RBFOX1: variants seen among roughly 807,000 people sequenced by gnomAD.
RBFOX1 encodes the protein RNA binding fox-1 homolog 1.
A neutral mutation model predicts 57.7 loss-of-function variants in RBFOX1; 8 were observed. The observed-to-expected ratio is 0.14, with a 90% confidence interval of 0.08 to 0.25. The LOEUF (loss-of-function observed/expected upper bound fraction) is 0.25, where lower values mean the gene tolerates loss of function less well. Among genes scored for constraint, RBFOX1 ranks in the 10% least tolerant of loss-of-function variants. The pLI, the probability that RBFOX1 is intolerant of heterozygous loss-of-function variation, is 1.00. For synonymous variants in RBFOX1, 326 were observed against 222.4 expected, an observed-to-expected ratio of 1.47 and a Z score of -4.15; for missense variants, 611 against 548.5, an observed-to-expected ratio of 1.11 and a Z score of -1.14.
intron 3 of RBFOX1, among the ~76,000 whole-genome samples, chr16:6,837,975 C>A (rs964217941): frequency 6.6e-6 from 1 of 151,298 alleles, no homozygotes; most frequent in Non-Finnish European, 1.5e-5. Context: ...AGTTACCACC[C>A]CTTTCCATGG....
chr16:5,977,337 C>T (rs577562541), intron 4 of RBFOX1, among the ~76,000 whole-genome samples: 8 of 152,222 alleles, frequency 5.3e-5, no homozygotes, highest in South Asian at 2.1e-4. Context: ...CAGGCCAGCC[C>T]GTCATGCAGA....
At chr16:6,890,520 A>G (rs1483538285) in intron 3 of RBFOX1, among the ~76,000 whole-genome samples, 2 of 47,730 alleles carry the variant, frequency 4.2e-5, no homozygotes, top group Non-Finnish European at 9.2e-5. Context: ...CTCCATCTCA[A>G]AACAAACAAA....
chr16:7,288,792 G>A lies in RBFOX1; in HGVS notation c.28-229355G>A, dbSNP rs1393488569. Reference sequence around the variant, plus strand: ...GGGGATGGAGGTTACAGTGAGCTGAGAGGGCACCACTGCACTCCAGCCTGC... The same window carrying A: ...GGGGATGGAGGTTACAGTGAGCTGAAAGGGCACCACTGCACTCCAGCCTGC... On this transcript the variant is annotated intron_variant, in intron 4 of 15. Transcript: ENST00000550418. 2.0e-5 allele frequency among the ~76,000 whole-genome samples: 3 copies of A among 152,224 alleles called. No homozygotes were observed. In the East Asian group the frequency reaches 5.8e-4, roughly 29 times the overall value.
chr16:5,771,238 G>T (rs887945649), intron 3 of RBFOX1, among the ~76,000 whole-genome samples: 1 of 152,216 alleles, frequency 6.6e-6, no homozygotes, highest in Non-Finnish European at 1.5e-5. Context: ...TGCGACCTAG[G>T]TTGTTGGTCT....
chr16:6,780,474 AT>A lies in RBFOX1; in HGVS notation c.-16+125829del, dbSNP rs1274689654. 5.7e-3 allele frequency among the ~76,000 whole-genome samples: 610 copies of A among 106,464 alleles called. 17 individuals carry two copies. Among genetic ancestry groups the A allele is most frequent in the African/African-American group, 0.021 (572 of 27,284 alleles). The allele number at this position is 106,464 out of a possible 152,430, so 69.8% of individuals were successfully genotyped here. On this transcript the variant is annotated intron_variant, in intron 3 of 15. Transcript: ENST00000550418. ...TACATTTTTATATATATTTATATAC[AT>A]TTTTATATATATTTATATACATTTT...
intron 3 of RBFOX1, among the ~76,000 whole-genome samples, chr16:6,817,577 A>G (rs1017405547): frequency 6.6e-6 from 1 of 151,058 alleles, no homozygotes; most frequent in Non-Finnish European, 1.5e-5. Context: ...TTGGTGGCGC[A>G]TGCGTGTAAT....
intron 4 of RBFOX1, among the ~76,000 whole-genome samples, chr16:7,348,884 G>C (rs943925562): frequency 6.6e-6 from 1 of 152,140 alleles, no homozygotes; most frequent in Non-Finnish European, 1.5e-5. Flanking sequence ...GGAGGTTTCA[G>C]TGAGCCAAGA....
At chr16:6,826,431 C>T (rs1484419631) in intron 3 of RBFOX1, among the ~76,000 whole-genome samples, 1 of 152,034 alleles carries the variant, frequency 6.6e-6, no homozygotes, top group Non-Finnish European at 1.5e-5. Flanking sequence ...ATCATTAGCA[C>T]TCAAGTAATT....
intron 3 of RBFOX1, among the ~76,000 whole-genome samples, chr16:5,615,952 C>G (rs1335097024): frequency 6.6e-6 from 1 of 152,202 alleles, no homozygotes; most frequent in Non-Finnish European, 1.5e-5. Flanking sequence ...TCTTTCCCCT[C>G]TGAAGTTGGG....
intron 3 of RBFOX1, among the ~76,000 whole-genome samples, chr16:5,855,909 T>C (rs1291409294): frequency 6.7e-6 from 1 of 149,530 alleles, no homozygotes; most frequent in Non-Finnish European, 1.5e-5. Flanking sequence ...ATTTTATTAA[T>C]GTTTGTTAAT....
intron 1 of RBFOX1, among the ~76,000 whole-genome samples, chr16:5,430,493 T>C (rs531154431): frequency 2.0e-5 from 3 of 152,124 alleles, no homozygotes; most frequent in East Asian, 3.9e-4. Flanking sequence ...CTGGGAGGCG[T>C]TGGGGTTGGG....
At chr16:6,549,141 GGA>G (rs2096936434) in intron 2 of RBFOX1, among the ~76,000 whole-genome samples, 2 of 38,170 alleles carry the variant, frequency 5.2e-5, no homozygotes, top group Admixed American at 2.5e-4. Context: ...AGGAGGAGGA[GGA>G]GGGAAGGAGG....
At chr16:5,394,650 C>T (rs2066501261) in intron 1 of RBFOX1, among the ~76,000 whole-genome samples, 1 of 150,872 alleles carries the variant, frequency 6.6e-6, no homozygotes, top group Non-Finnish European at 1.5e-5. Context: ...CATTCTCGAC[C>T]TCCTGGGCCC....
At chr16:7,416,110 G>C (rs897527333) in intron 4 of RBFOX1, among the ~76,000 whole-genome samples, 1 of 152,072 alleles carries the variant, frequency 6.6e-6, no homozygotes, top group African/African-American at 2.4e-5. Flanking sequence ...TGAAACGATT[G>C]CTCCCATTTT....
At chr16:6,796,181 G>A (rs2083995694) in intron 3 of RBFOX1, among the ~76,000 whole-genome samples, 1 of 152,090 alleles carries the variant, frequency 6.6e-6, no homozygotes, top group Non-Finnish European at 1.5e-5. Flanking sequence ...CTTGTGCAGG[G>A]AAACTCCCAT....
chr16:7,686,187 GA>G (rs368021965), intron 14 of RBFOX1, among the ~76,000 whole-genome samples: 14 of 147,122 alleles, frequency 9.5e-5, no homozygotes, highest in South Asian at 4.3e-4. Context: ...GTTCTCGAGT[GA>G]AAAAAAAAAC....
At chr16:7,325,930 G>A (rs1371006808) in intron 4 of RBFOX1, among the ~76,000 whole-genome samples, 1 of 152,148 alleles carries the variant, frequency 6.6e-6, no homozygotes, top group Non-Finnish European at 1.5e-5. Context: ...TTGAGTGCAT[G>A]TCTGGCAGTG....
intron 2 of RBFOX1, among the ~76,000 whole-genome samples, chr16:6,563,759 G>A (rs1355978325): frequency 1.3e-5 from 2 of 152,028 alleles, no homozygotes; most frequent in East Asian, 1.9e-4. Flanking sequence ...TTGGGAGGTG[G>A]AGGTTGCAGT....
chr16:7,250,988 A>G (rs939064440), intron 4 of RBFOX1, among the ~76,000 whole-genome samples: 2 of 146,120 alleles, frequency 1.4e-5, no homozygotes, highest in African/African-American at 2.6e-5. Context: ...TAATACGTGT[A>G]TTATCTGATA....
Sources: gnomAD v4.1 joint callset for allele counts (sites outside exome capture counted in the v4.1 genomes callset) on GRCh38, gnomAD v4.1.1 for gene constraint, MANE v1.5 for transcripts, NCBI Gene and HGNC (gene_info 2026-07-23, HGNC 2026-07-21) for gene names.